The following DIAPH2 variants were observed in gnomAD, a reference collection of about 807,000 sequenced individuals.
DIAPH2 encodes protein diaphanous homolog 2.
In DIAPH2, 35 loss-of-function variants were observed where a neutral mutation model predicts 92.7. That is an observed-to-expected ratio of 0.38 (90% CI 0.29 to 0.50). The LOEUF (loss-of-function observed/expected upper bound fraction) is 0.50. Ranked by LOEUF, DIAPH2 falls within the 20% of genes least tolerant of loss-of-function variation. The pLI is 0.94. For synonymous variants in DIAPH2, 301 were observed against 280.4 expected (o/e 1.07, Z -0.73); for missense variants, 701 against 819.5 (o/e 0.86, Z 1.77).
chrX:97,001,422 A>G (rs1401137098), intron 17 of DIAPH2, among the ~76,000 whole-genome samples: 1 of 112,032 alleles, frequency 8.9e-6, no homozygotes, highest in African/African-American at 3.2e-5. Context: ...AGGCGGGTAG[A>G]TCACGAGGTC....
chrX:97,488,067 C>T (rs2070701433), intron 26 of DIAPH2, among the ~76,000 whole-genome samples: 1 of 112,354 alleles, frequency 8.9e-6, no homozygotes, highest in South Asian at 3.7e-4. Flanking sequence ...AATCTTGGCT[C>T]ACCACAACCT....
intron 13 of DIAPH2, 32 bp from the exon 14 acceptor site, chrX:96,945,495 A>C: frequency 9.1e-7 from 1 of 1,104,790 alleles, no homozygotes; most frequent in East Asian, 3.2e-5. Context: ...CTCATGCCAT[A>C]ATTTCGAATC....
At chrX:97,264,995 A>G (rs927157187) in intron 23 of DIAPH2, among the ~76,000 whole-genome samples, 2 of 111,114 alleles carry the variant, frequency 1.8e-5, no homozygotes, top group Non-Finnish European at 3.8e-5. Flanking sequence ...AAAAACAACA[A>G]CAAAAAAAAG....
chrX:97,578,304 A>G (rs1353462774), intron 26 of DIAPH2, among the ~76,000 whole-genome samples: 1 of 107,541 alleles, frequency 9.3e-6, no homozygotes. Context: ...ATATCTCCCA[A>G]TGCTATCCCT....
intron 23 of DIAPH2, among the ~76,000 whole-genome samples, chrX:97,258,338 C>G (rs1224383931): frequency 8.9e-6 from 1 of 112,069 alleles, no homozygotes; most frequent in Non-Finnish European, 1.9e-5. Flanking sequence ...CTTTGGGAGG[C>G]CAAGGTGGGT....
chrX:97,433,376 C>T (rs2147779824), intron 26 of DIAPH2, among the ~76,000 whole-genome samples: 1 of 110,297 alleles, frequency 9.1e-6, no homozygotes, highest in East Asian at 2.9e-4. Context: ...ATTAGCCAAG[C>T]ATGGTGGCAT....
At chrX:96,691,951 C>A (rs1602429179) in intron 1 of DIAPH2, among the ~76,000 whole-genome samples, 1 of 112,048 alleles carries the variant, frequency 8.9e-6, no homozygotes, top group Non-Finnish European at 1.9e-5. Flanking sequence ...TTTAAAAAAT[C>A]TATTTGTTGT....
At chrX:97,017,486 C>A (rs889902064) in intron 17 of DIAPH2, among the ~76,000 whole-genome samples, 1 of 111,559 alleles carries the variant, frequency 9.0e-6, no homozygotes, top group Non-Finnish European at 1.9e-5. Flanking sequence ...GAATTTGGGA[C>A]CTTCTTTGTT....
intron 23 of DIAPH2, among the ~76,000 whole-genome samples, chrX:97,294,414 G>A (rs1386571070): frequency 8.9e-6 from 1 of 112,183 alleles, no homozygotes; most frequent in African/African-American, 3.2e-5. Context: ...CATCTGTATT[G>A]AATAACATTT....
At chrX:96,814,210 G>C (rs775741628) in intron 4 of DIAPH2, among the ~76,000 whole-genome samples, 3 of 111,559 alleles carry the variant, frequency 2.7e-5, no homozygotes, top group African/African-American at 6.5e-5. Context: ...TTTCTTGGAG[G>C]CTTTGTTCAT....
intron 25 of DIAPH2, among the ~76,000 whole-genome samples, chrX:97,389,570 C>T (rs2069636710): frequency 9.0e-6 from 1 of 110,609 alleles, no homozygotes; most frequent in African/African-American, 3.3e-5. Context: ...GTTTATTAAC[C>T]TTTCACTGTT....
chrX:97,257,129 G>C (rs2068244224), intron 23 of DIAPH2, among the ~76,000 whole-genome samples: 1 of 111,574 alleles, frequency 9.0e-6, no homozygotes, highest in Admixed American at 9.6e-5. Flanking sequence ...AATTAATGAA[G>C]TGAGGAATGG....
At chrX:97,260,838 T>C (rs2068282384) in intron 23 of DIAPH2, among the ~76,000 whole-genome samples, 1 of 112,232 alleles carries the variant, frequency 8.9e-6, no homozygotes, top group African/African-American at 3.2e-5. Context: ...AACCGAACTT[T>C]TAAACCACCA....
chrX:97,541,750 A>G (rs1267499696), intron 26 of DIAPH2, among the ~76,000 whole-genome samples: 1 of 112,016 alleles, frequency 8.9e-6, no homozygotes, highest in Non-Finnish European at 1.9e-5. Context: ...TTCATACCCC[A>G]TGGCAGTCTG....
chrX:97,484,807 G>C (rs887367912), intron 26 of DIAPH2, among the ~76,000 whole-genome samples: 5 of 111,911 alleles, frequency 4.5e-5, no homozygotes, highest in Admixed American at 9.4e-5. Context: ...TGAGGCAGGA[G>C]AATCACTTGA....
chrX:97,400,773 T>G (rs1484380041), intron 25 of DIAPH2, among the ~76,000 whole-genome samples: 1 of 112,115 alleles, frequency 8.9e-6, no homozygotes, highest in African/African-American at 3.2e-5. Flanking sequence ...GCAGTATTTG[T>G]TTTTGTGTAA....
chrX:97,429,766 C>T (rs777162329), intron 26 of DIAPH2, 21 bp downstream of exon 26: 1 of 1,164,879 alleles, frequency 8.6e-7, no homozygotes, highest in East Asian at 3.0e-5. Flanking sequence ...TTCCACCTCA[C>T]ATAGTATTGT....
chrX:97,202,321 T>TTAAATG (rs1209788963), intron 22 of DIAPH2, among the ~76,000 whole-genome samples: 4 of 111,284 alleles, frequency 3.6e-5, no homozygotes, highest in African/African-American at 9.8e-5. Context: ...AGTATTAACC[T>TTAAATG]TAAATGTAAA....
chrX:97,326,035 A>C (rs963819759), intron 23 of DIAPH2, among the ~76,000 whole-genome samples: 62 of 112,747 alleles, frequency 5.5e-4, no homozygotes, highest in African/African-American at 1.7e-3. Context: ...TAGTAAAAGG[A>C]AAGTTAATTA....
Sources: gnomAD v4.1 joint callset for allele counts (sites outside exome capture counted in the v4.1 genomes callset) on GRCh38, gnomAD v4.1.1 for gene constraint, MANE v1.5 for transcripts, NCBI Gene and HGNC (gene_info 2026-07-23, HGNC 2026-07-21) for gene names.